Variants in LRP5 observed in about 807,000 individuals in gnomAD.
LRP5 encodes the protein LDL receptor related protein 5.
A neutral mutation model predicts 154.1 loss-of-function variants in LRP5; 62 were observed. The observed-to-expected ratio is 0.40, with a 90% confidence interval of 0.33 to 0.50. The LOEUF is 0.50. LRP5 is among the 20% of genes least tolerant of loss of function. The pLI is 0.55. For synonymous variants in LRP5, 966 were observed against 1,011.5 expected (o/e 0.96, Z 0.85); for missense variants, 1,915 against 2,336.7 (o/e 0.82, Z 3.72).
intron 1 of LRP5, among the ~76,000 whole-genome samples, chr11:68,327,274 G>A (rs1034775068): frequency 6.6e-6 from 1 of 152,202 alleles, no homozygotes; most frequent in African/African-American, 2.4e-5. Context: ...TCACAGTCTC[G>A]GGGACGGAGG....
intron 2 of LRP5, among the ~76,000 whole-genome samples, 180 bp downstream of exon 2, chr11:68,348,423 C>T (rs2098615384): frequency 1.5e-5 from 2 of 131,090 alleles, no homozygotes; most frequent in African/African-American, 5.3e-5. Context: ...AAAATGAACC[C>T]GTGGGGGTGT....
intron 5 of LRP5, among the ~76,000 whole-genome samples, chr11:68,373,916 G>A (rs2098635832): frequency 1.3e-5 from 2 of 152,146 alleles, no homozygotes; most frequent in Non-Finnish European, 2.9e-5. Flanking sequence ...AGTGGGCTTA[G>A]CGGCGTGCAC....
At chr11:68,337,249 G>T (rs1000643015) in intron 1 of LRP5, among the ~76,000 whole-genome samples, 1 of 152,170 alleles carries the variant, frequency 6.6e-6, no homozygotes. Flanking sequence ...AGAGGAGCCC[G>T]GAAGCAGACC....
Position 68,443,572 on chromosome 11 carries a change from TATATATATA to T in LRP5, c.4489-2863_4489-2855del, listed in dbSNP as rs1186329130. ...ATATATATATATATATATATATATA[TATATATATA>T]TATATTTTTTTTTTTTTTGGTTATG... On this transcript the variant is annotated intron_variant, in intron 21 of 22. Transcript: ENST00000294304. Among the ~76,000 whole-genome samples, 84 of 44,352 alleles carry T rather than the reference TATATATATA, an allele frequency of 1.9e-3. 2 individuals carry two copies. The highest frequency in any genetic ancestry group is 8.6e-3 in the African/African-American group (78 of 9,082). 29.1% of individuals were successfully genotyped at this position (44,352 alleles called of 152,430 possible).
intron 21 of LRP5, among the ~76,000 whole-genome samples, chr11:68,442,963 C>G (rs2098678964): frequency 6.6e-6 from 1 of 152,104 alleles, no homozygotes; most frequent in Non-Finnish European, 1.5e-5. Flanking sequence ...CGTGGCTGGG[C>G]CCCCACTGGA....
At position 68,433,772 on chromosome 11, in the gene LRP5, G is replaced by A; in HGVS notation, c.3934G>A (p.Asp1312Asn). 6.2e-7 allele frequency: 1 copy of A among 1,612,602 alleles called. No homozygotes were observed. The highest frequency in any genetic ancestry group is 8.5e-7 in the Non-Finnish European group (1 of 1,179,778). The change falls in exon 18 of 23, where the codon GAC becomes AAC. Residue 1312 changes from aspartate to asparagine, a missense_variant. Physicochemically the swap from Asp to Asn is conservative, Grantham distance 23. Transcript: ENST00000294304. ...CCCCTGCGCGCGGGGTCAGTGTGTG[G>A]ACCTGCGCCTGCGCTGCGACGGCGA... ...QFPCARGQCVDLRLRCDGEAD... is the reference protein window; with the variant it reads ...QFPCARGQCVNLRLRCDGEAD...
At chr11:68,399,327 T>C (rs1236390757) in intron 7 of LRP5, among the ~76,000 whole-genome samples, 1 of 151,900 alleles carries the variant, frequency 6.6e-6, no homozygotes, top group African/African-American at 2.4e-5. Context: ...GCCAAGATCG[T>C]GTCACTACAC....
Position 68,449,001 on chromosome 11 carries a change from G to A in LRP5, c.4779G>A (p.Ser1593=), listed in dbSNP as rs765060834. 12 of 1,601,246 alleles carry A rather than the reference G, an allele frequency of 7.5e-6. No individual in the cohort carries two copies. The highest frequency in any genetic ancestry group is 2.2e-5 in the East Asian group (1 of 44,818). The part of the protein sequence containing the change: ...YLSAEDSCPP[S]PATERSYFHL... The stretch of plus-strand genomic sequence containing the variant: ...CGGCGGAGGACAGCTGCCCGCCCTC[G>A]CCCGCCACCGAGAGGAGCTACTTCC... The change falls in exon 23 of 23, where the codon TCG becomes TCA. Residue 1593 remains serine (S), a synonymous_variant. Transcript: ENST00000294304.
At chr11:68,427,114 GA>G (rs1474538012) in intron 16 of LRP5, among the ~76,000 whole-genome samples, 2 of 152,182 alleles carry the variant, frequency 1.3e-5, no homozygotes, top group Non-Finnish European at 2.9e-5. Context: ...CCCTTTGATA[GA>G]CTCCAAGTCG....
chr11:68,441,446 T>C (rs2098678169), intron 21 of LRP5, among the ~76,000 whole-genome samples: 1 of 152,216 alleles, frequency 6.6e-6, no homozygotes, highest in Non-Finnish European at 1.5e-5. Flanking sequence ...AAGAGGGTTC[T>C]TCTTGGTTTC....
In LRP5 at chr11:68,386,808, T is replaced by C; in HGVS notation, c.1412+96T>C. On this transcript the variant is annotated intron_variant, in intron 6 of 22. Transcript: ENST00000294304. This position sits in a 1 kb window ranked among gnomAD's most constrained non-coding sequence, Gnocchi z 7.9. ...GACCTGTCATTCTGGGACACTGTCT[T>C]GCATCAGAACCCGGAGGAGGGCTTG... 1 of 1,393,668 alleles carries C rather than the reference T, an allele frequency of 7.2e-7. No individual in the cohort carries two copies. The highest frequency in any genetic ancestry group is 2.4e-5 in the East Asian group (1 of 41,852). 86.3% of individuals were successfully genotyped at this position (1,393,668 alleles called of 1,614,324 possible).
chr11:68,389,752 A>G (rs1409044813), intron 6 of LRP5, 129 bp from the exon 7 acceptor site: 3 of 899,894 alleles, frequency 3.3e-6, no homozygotes, highest in East Asian at 2.4e-5. Context: ...ACTGACACCA[A>G]TATTTACTGA....
intron 8 of LRP5, chr11:68,404,535 G>A (rs1204128679): frequency 2.3e-5 from 11 of 485,640 alleles, no homozygotes; most frequent in Admixed American, 9.2e-5. Flanking sequence ...GCACAGCCCC[G>A]TGGAAGCCTG....
chr11:68,394,339 A>G (rs890125033), intron 7 of LRP5, among the ~76,000 whole-genome samples: 2 of 152,184 alleles, frequency 1.3e-5, no homozygotes, highest in Admixed American at 1.3e-4. Flanking sequence ...CAGACAAAGC[A>G]AGAGAAATGC....
At chr11:68,425,944 G>C (rs375175685) in intron 15 of LRP5, 34 bp from the exon 16 acceptor site, 18 of 1,588,846 alleles carry the variant, frequency 1.1e-5, no homozygotes, top group African/African-American at 2.7e-5. Flanking sequence ...CTGGAGGTCA[G>C]CACTGCTCAG....
chr11:68,420,738 G>A (rs1310459175), intron 13 of LRP5, among the ~76,000 whole-genome samples: 1 of 151,998 alleles, frequency 6.6e-6, no homozygotes, highest in Non-Finnish European at 1.5e-5. Flanking sequence ...TGGATGGACG[G>A]ACCACTTCTT....
chr11:68,425,259 G>A lies in LRP5; in HGVS notation c.3394G>A (p.Asp1132Asn), dbSNP rs1271321385. The change falls in exon 15 of 23, where the codon GAC (aspartate) becomes AAC (asparagine). Residue 1132 changes from aspartate to asparagine, a missense_variant. Transcript: ENST00000294304. Reference protein sequence around the residue: ...TLGKLFWVDADLKRIESCDLS... With the variant: ...TLGKLFWVDANLKRIESCDLS... ...GGGCAAGCTGTTCTGGGTGGACGCG[G>A]ACCTGAAGCGCATTGAGAGCTGTGA... 6.2e-7 allele frequency: 1 copy of A among 1,610,778 alleles called. No individual in the cohort carries two copies. The highest frequency in any genetic ancestry group is 8.5e-7 in the Non-Finnish European group (1 of 1,179,978).
intron 3 of LRP5, among the ~76,000 whole-genome samples, chr11:68,360,769 G>A (rs1475556082): frequency 2.6e-5 from 4 of 151,996 alleles, no homozygotes; most frequent in Admixed American, 6.5e-5. Context: ...AGGCCGAGGC[G>A]GGCGGATTAC....
the LRP5 span, among the ~76,000 whole-genome samples, chr11:68,306,557 CTTGGTTAACA>C: frequency 1.3e-4 from 20 of 152,352 alleles, no homozygotes; most frequent in Admixed American, 3.3e-4. Context: ...CTTTTCCTAA[CTTGGTTAACA>C]TTCACAGGTC....
Sources: allele counts gnomAD v4.1 joint callset (sites outside exome capture counted in the v4.1 genomes callset), GRCh38; gene constraint gnomAD v4.1.1; non-coding constraint Gnocchi (gnomAD v3.1); transcripts MANE v1.5; gene names NCBI Gene and HGNC (gene_info 2026-07-23, HGNC 2026-07-21).